Variants in SBF2 observed in about 807,000 individuals in gnomAD.
SBF2 encodes SET binding factor 2.
SBF2 carries 112 observed loss-of-function variants against 225.2 expected under a neutral mutation model. The observed-to-expected ratio is 0.50, with a 90% CI of 0.43 to 0.58. The LOEUF (loss-of-function observed/expected upper bound fraction) is 0.58, where lower values mean the gene tolerates loss of function less well. Ranked by LOEUF, SBF2 falls within the 20% of genes least tolerant of loss-of-function variation. The pLI is 0.00. For synonymous variants in SBF2, 763 were observed against 773.3 expected (o/e 0.99, Z 0.22); for missense variants, 1,996 against 2,206.2 (o/e 0.90, Z 1.91).
At chr11:9,785,445 G>A in intron 36 of SBF2, 127 bp from the exon 37 acceptor site, 1 of 776,900 alleles carries the variant, frequency 1.3e-6, no homozygotes, top group Non-Finnish European at 2.2e-6. Flanking sequence ...ATGTACAAAG[G>A]TATCAATCTC....
chr11:10,192,373 T>C (rs1390101438), intron 2 of SBF2, among the ~76,000 whole-genome samples: 1 of 152,190 alleles, frequency 6.6e-6, no homozygotes, highest in African/African-American at 2.4e-5. Context: ...GCAATGTATC[T>C]TTAATTTTCA....
At chr11:10,048,106 T>G (rs374357325) in intron 2 of SBF2, among the ~76,000 whole-genome samples, 33 of 152,192 alleles carry the variant, frequency 2.2e-4, no homozygotes, top group African/African-American at 7.2e-4. Context: ...TGTGGAGGAT[T>G]GGTTCCAGGT....
intron 16 of SBF2, among the ~76,000 whole-genome samples, chr11:9,900,133 G>A (rs552203792): frequency 4.6e-4 from 69 of 150,984 alleles, no homozygotes; most frequent in African/African-American, 1.6e-3. Context: ...CAGTTTCACT[G>A]AGTATTTTAA....
intron 28 of SBF2, among the ~76,000 whole-genome samples, chr11:9,817,436 ATTC>A (rs1216306423): frequency 6.6e-6 from 1 of 152,184 alleles, no homozygotes; most frequent in East Asian, 1.9e-4. Context: ...AGTAAGGAAC[ATTC>A]TTCTGCTTAT....
rs192077638 is a variant in SBF2 at position 10,171,683 on chromosome 11, C to A, written c.141+22219G>T. ...AGGTTTGGAAGTATTCCCTCCTCCT[C>A]AATTTTTTGGAATAGTTTGAGTCGA... On this transcript the variant is annotated intron_variant, in intron 2 of 39. Transcript: ENST00000256190. Among the ~76,000 whole-genome samples the A allele has an allele frequency of 2.0e-5, 3 of 152,262 alleles. No individual in the cohort carries two copies. The East Asian group carries it at 5.8e-4, about 29-fold the overall frequency.
chr11:10,112,487 C>T (rs1429833882), intron 2 of SBF2, among the ~76,000 whole-genome samples: 2 of 152,310 alleles, frequency 1.3e-5, no homozygotes, highest in Admixed American at 1.3e-4. Flanking sequence ...TGTGAGGCCT[C>T]CCCAGCCATG....
intron 2 of SBF2, among the ~76,000 whole-genome samples, chr11:10,115,948 C>T (rs931905910): frequency 6.6e-6 from 1 of 152,024 alleles, no homozygotes; most frequent in East Asian, 1.9e-4. Context: ...AGGCAGATCA[C>T]GAGGTCAGGA....
intron 2 of SBF2, among the ~76,000 whole-genome samples, chr11:10,173,366 G>C (rs1956299512): frequency 6.6e-6 from 1 of 152,218 alleles, no homozygotes. Context: ...AGGGGTCAGG[G>C]AGTTCCCTTT....
chr11:10,006,749 A>T (rs769151543), intron 6 of SBF2, among the ~76,000 whole-genome samples: 4 of 152,172 alleles, frequency 2.6e-5, no homozygotes, highest in Non-Finnish European at 5.9e-5. Flanking sequence ...CCATTTCTCT[A>T]ATCACTTCCA....
intron 1 of SBF2, among the ~76,000 whole-genome samples, chr11:10,255,314 T>C (rs1488605104): frequency 1.3e-5 from 2 of 152,226 alleles, no homozygotes; most frequent in Admixed American, 1.3e-4. Context: ...TGTATACATA[T>C]TTCAAAACAT....
chr11:10,062,186 A>G (rs917348908), intron 2 of SBF2, among the ~76,000 whole-genome samples: 5 of 152,212 alleles, frequency 3.3e-5, no homozygotes, highest in African/African-American at 4.8e-5. Flanking sequence ...TACAAAAATC[A>G]ACTCATGATG....
At chr11:9,904,146 T>TA (rs933903047) in intron 16 of SBF2, among the ~76,000 whole-genome samples, 1 of 151,958 alleles carries the variant, frequency 6.6e-6, no homozygotes, top group African/African-American at 2.4e-5. Context: ...ATGTTCTGGT[T>TA]AAAAAAACAA....
intron 1 of SBF2, among the ~76,000 whole-genome samples, chr11:10,235,441 C>T (rs1437145582): frequency 2.0e-5 from 3 of 151,666 alleles, no homozygotes; most frequent in African/African-American, 7.3e-5. Context: ...GCAGGAGAAT[C>T]GCTTGAACCC....
At chr11:10,013,912 T>C (rs1948547292) in intron 6 of SBF2, among the ~76,000 whole-genome samples, 1 of 152,198 alleles carries the variant, frequency 6.6e-6, no homozygotes, top group Non-Finnish European at 1.5e-5. Flanking sequence ...TCATTATCAG[T>C]GTGGACTCAT....
chr11:10,013,787 A>G (rs1222968141), intron 6 of SBF2, among the ~76,000 whole-genome samples: 1 of 152,202 alleles, frequency 6.6e-6, no homozygotes, highest in East Asian at 1.9e-4. Flanking sequence ...TCTTTACTAT[A>G]ATGATTATAA....
intron 16 of SBF2, chr11:9,957,969 A>G (rs1043315844): frequency 6.6e-6 from 1 of 151,712 alleles, no homozygotes; most frequent in Non-Finnish European, 1.5e-5. Context: ...CCCAACCCCT[A>G]CCTTCTCTCC....
At chr11:9,945,368 C>T (rs1270478209) in intron 16 of SBF2, among the ~76,000 whole-genome samples, 7 of 152,220 alleles carry the variant, frequency 4.6e-5, no homozygotes, top group South Asian at 4.2e-4. Context: ...ATTCAATAAA[C>T]GGTGCTAGGA....
chr11:9,831,376 T>C (rs1030582332), intron 27 of SBF2, among the ~76,000 whole-genome samples: 3 of 152,204 alleles, frequency 2.0e-5, no homozygotes, highest in African/African-American at 7.2e-5. Flanking sequence ...AAACAGCCAA[T>C]TGCCTTCAAT....
chr11:10,175,876 C>A (rs1248550834), intron 2 of SBF2, among the ~76,000 whole-genome samples: 1 of 151,972 alleles, frequency 6.6e-6, no homozygotes, highest in Non-Finnish European at 1.5e-5. Context: ...AACCGCTCAA[C>A]TACATGGAAA....
Sources: allele counts gnomAD v4.1 joint callset (sites outside exome capture counted in the v4.1 genomes callset), GRCh38; gene constraint gnomAD v4.1.1; transcripts MANE v1.5; gene names NCBI Gene and HGNC (gene_info 2026-07-23, HGNC 2026-07-21).